Variants in PLCB1 observed in about 807,000 individuals in gnomAD.
The protein encoded by PLCB1 is phospholipase C beta 1, also known as 1-phosphatidylinositol 4,5-bisphosphate phosphodiesterase beta-1.
PLCB1 carries 46 observed loss-of-function variants against 161.8 expected under a neutral mutation model. That is an observed-to-expected ratio of 0.28 (90% CI 0.22 to 0.36). The LOEUF is 0.36. Among genes scored for constraint, PLCB1 ranks in the 10% least tolerant of loss-of-function variants. The pLI is 1.00. For missense variants in PLCB1, 1,016 were observed against 1,472.5 expected (o/e 0.69, Z 5.07); for synonymous variants, 517 against 503.7 (o/e 1.03, Z -0.35).
At chr20:8,514,527 A>C (rs557810685) in intron 3 of PLCB1, among the ~76,000 whole-genome samples, 2 of 152,082 alleles carry the variant, frequency 1.3e-5, no homozygotes, top group Admixed American at 1.3e-4. Context: ...TACAAAAAAA[A>C]ATTAGCAAGG....
chr20:8,687,172 C>T (rs1001206493), intron 10 of PLCB1, among the ~76,000 whole-genome samples: 20 of 151,508 alleles, frequency 1.3e-4, no homozygotes, highest in African/African-American at 4.9e-4. Context: ...ACTACAGGCA[C>T]GTGCCACCAC....
chr20:8,134,688 T>TGA (rs1292592721), intron 1 of PLCB1, among the ~76,000 whole-genome samples: 1 of 151,788 alleles, frequency 6.6e-6, no homozygotes, highest in Non-Finnish European at 1.5e-5. Context: ...AAAACACCAA[T>TGA]GAGAGAGAGA....
At position 8,739,262 on chromosome 20, in the gene PLCB1, T is replaced by C; in HGVS notation, c.2210T>C (p.Val737Ala). 6.3e-7 allele frequency: 1 copy of C among 1,592,198 alleles called. No homozygotes were observed. The highest frequency in any genetic ancestry group is 2.2e-5 in the East Asian group (1 of 44,788). The change falls in exon 21 of 32, where the codon GTG becomes GCG. Residue 737 changes from valine (V) to alanine (A), a missense_variant and splice_region_variant. Transcript: ENST00000338037. ...GTGTGTCCTTAATGTCCTTTGTAGG[T>C]GGTTCTTCCTACTCTGGCCTGTTTG... ...WEEEPIVFKKVVLPTLACLRI... is the reference protein window; with the variant it reads ...WEEEPIVFKKAVLPTLACLRI...
intron 2 of PLCB1, among the ~76,000 whole-genome samples, chr20:8,276,564 T>C (rs1234157992): frequency 6.6e-6 from 1 of 152,188 alleles, no homozygotes; most frequent in African/African-American, 2.4e-5. Context: ...TTGAGTGTTC[T>C]TTTTTTACAC....
intron 7 of PLCB1, chr20:8,651,695 A>G: frequency 2.0e-6 from 1 of 499,306 alleles, no homozygotes; most frequent in Non-Finnish European, 3.6e-6. Flanking sequence ...CTTCTGGGGA[A>G]ACTAGCCAAT....
At chr20:8,494,389 A>G (rs915091134) in intron 3 of PLCB1, among the ~76,000 whole-genome samples, 1 of 152,196 alleles carries the variant, frequency 6.6e-6, no homozygotes, top group Non-Finnish European at 1.5e-5. Context: ...TTACATAATC[A>G]TGTATTCGAG....
At chr20:8,359,178 GA>G in intron 2 of PLCB1, among the ~76,000 whole-genome samples, 1 of 152,186 alleles carries the variant, frequency 6.6e-6, no homozygotes, top group Admixed American at 6.5e-5. Flanking sequence ...TGTTCATAAA[GA>G]GGTAGTAATA....
chr20:8,202,891 G>T (rs1978332343), intron 2 of PLCB1, among the ~76,000 whole-genome samples: 1 of 152,154 alleles, frequency 6.6e-6, no homozygotes, highest in Non-Finnish European at 1.5e-5. Context: ...AACACGCAGA[G>T]AAAGTAGAAT....
intron 3 of PLCB1, among the ~76,000 whole-genome samples, chr20:8,462,044 A>C (rs1483342023): frequency 6.6e-6 from 1 of 151,752 alleles, no homozygotes; most frequent in Non-Finnish European, 1.5e-5. Context: ...CCCTCTGTTT[A>C]TATATATGTA....
intron 16 of PLCB1, among the ~76,000 whole-genome samples, 187 bp downstream of exon 16, chr20:8,724,939 T>C (rs1175078120): frequency 6.6e-6 from 1 of 152,150 alleles, no homozygotes; most frequent in Non-Finnish European, 1.5e-5. Flanking sequence ...TTGTAATATA[T>C]AAAAATAACC....
At chr20:8,688,957 T>C (rs1014050875) in intron 10 of PLCB1, among the ~76,000 whole-genome samples, 11 of 152,226 alleles carry the variant, frequency 7.2e-5, no homozygotes, top group African/African-American at 2.4e-4. Context: ...TCTCACAATA[T>C]TGATTCTACC....
chr20:8,402,207 T>C (rs1313070773), intron 3 of PLCB1, among the ~76,000 whole-genome samples: 1 of 152,212 alleles, frequency 6.6e-6, no homozygotes, highest in Non-Finnish European at 1.5e-5. Context: ...CAATTTATAT[T>C]GTTCTCCTAA....
In PLCB1 at chr20:8,714,117, G is replaced by T. The variant is rs189797890; in HGVS notation, c.1251-2147G>T. 2.6e-5 allele frequency among the ~76,000 whole-genome samples: 4 copies of T among 152,106 alleles called. No individual in the cohort carries two copies. The South Asian group carries it at 6.2e-4, about 24-fold the overall frequency. The stretch of plus-strand genomic sequence containing the variant: ...ACATGCTGACTTACCTTAATCAATC[G>T]CAGTGGTTTTCAAGCTTGAACACAC... On this transcript the variant is annotated intron_variant, in intron 12 of 31. Transcript: ENST00000338037.
intron 31 of PLCB1, among the ~76,000 whole-genome samples, chr20:8,863,402 G>A (rs1987321464): frequency 6.6e-6 from 1 of 152,192 alleles, no homozygotes; most frequent in African/African-American, 2.4e-5. Context: ...ATGTAAATGA[G>A]AATCACCTGC....
chr20:8,711,908 C>T (rs778009572), intron 12 of PLCB1, among the ~76,000 whole-genome samples: 6 of 152,176 alleles, frequency 3.9e-5, no homozygotes, highest in Non-Finnish European at 8.8e-5. Flanking sequence ...CTCTGATGAA[C>T]TATTTTATTT....
intron 3 of PLCB1, among the ~76,000 whole-genome samples, chr20:8,579,910 G>A (rs527781251): frequency 6.6e-6 from 1 of 152,302 alleles, no homozygotes; most frequent in South Asian, 2.1e-4. Flanking sequence ...TGTTTCCACA[G>A]GAACAAATAG....
chr20:8,135,034 C>T (rs1371175355), intron 1 of PLCB1, among the ~76,000 whole-genome samples: 1 of 152,174 alleles, frequency 6.6e-6, no homozygotes, highest in East Asian at 1.9e-4. Context: ...CATCCCTTTT[C>T]TACTCTTCTC....
intron 2 of PLCB1, among the ~76,000 whole-genome samples, chr20:8,241,309 A>G (rs1295033655): frequency 6.6e-6 from 1 of 151,898 alleles, no homozygotes; most frequent in Non-Finnish European, 1.5e-5. Context: ...TCTCTATCCT[A>G]ATGTCATGTT....
intron 31 of PLCB1, among the ~76,000 whole-genome samples, chr20:8,820,839 T>G (rs545663987): frequency 1.4e-4 from 22 of 152,190 alleles, no homozygotes; most frequent in Non-Finnish European, 2.5e-4. Flanking sequence ...TTGGATAAAT[T>G]TCATCATCAA....
Sources: gnomAD v4.1 joint callset for allele counts (sites outside exome capture counted in the v4.1 genomes callset) on GRCh38, gnomAD v4.1.1 for gene constraint, MANE v1.5 for transcripts, NCBI Gene and HGNC (gene_info 2026-07-23, HGNC 2026-07-21) for gene names.